Variants in VASH1 observed in about 807,000 individuals in gnomAD.
VASH1 encodes the protein vasohibin 1.
VASH1 carries 16 observed loss-of-function variants against 35.0 expected under a neutral mutation model. That is an observed-to-expected ratio of 0.46 (90% confidence interval 0.31 to 0.70). The LOEUF (loss-of-function observed/expected upper bound fraction) is 0.70. VASH1 is among the 30% of genes least tolerant of loss of function. The pLI is 0.05. For synonymous variants in VASH1, 214 were observed against 200.9 expected, an observed-to-expected ratio of 1.07 and a Z score of -0.55; for missense variants, 505 against 510.7, an observed-to-expected ratio of 0.99 and a Z score of 0.11.
rs1321126994 is a variant in VASH1 at position 76,762,233 on chromosome 14, G to A, written c.-589G>A. The stretch of plus-strand genomic sequence containing the variant: ...TCTTGGCTCCCGGACTTGTCTCGTC[G>A]CGTCGGAGAAATCGCCCCCCAGCGC... On this transcript the variant is annotated 5_prime_UTR_variant, in exon 1 of 7. Coordinates refer to ENST00000167106, the MANE Select transcript of VASH1 (RefSeq NM_014909.5). The A allele has an allele frequency of 2.6e-5, 4 of 152,134 alleles. No homozygotes were observed. Among genetic ancestry groups the A allele is most frequent in the African/African-American group, 7.2e-5 (3 of 41,428 alleles). The allele number at this position is 152,134 out of a possible 1,614,324, so 9.4% of individuals were successfully genotyped here. A position where few individuals can be genotyped will look rare whatever the true frequency, so the allele number is the denominator to read the frequency against.
rs780884507 is a variant in VASH1, at chr14:76,776,062, G to A, written c.701G>A (p.Arg234His). The change falls in exon 5 of 7, where the codon CGC becomes CAC. Residue 234 changes from arginine to histidine, a missense_variant. Physicochemically the swap from Arg to His is conservative, Grantham distance 29. Coordinates refer to ENST00000167106, the MANE Select transcript of VASH1 (RefSeq NM_014909.5). Reference protein sequence around the residue: ...EDLMYKPPAFRTLSELVLDFE... With the variant: ...EDLMYKPPAFHTLSELVLDFE... ...CTGATGTACAAGCCGCCCGCCTTCC[G>A]CACGCTCAGCGAGCTCGTGCTGGAC... is the stretch of plus-strand genomic sequence containing the variant. The A allele has an allele frequency of 9.3e-6, 15 of 1,609,390 alleles. No individual in the cohort carries two copies. The highest frequency in any genetic ancestry group is 5.0e-5 in the Admixed American group (3 of 59,814).
intron 3 of VASH1, among the ~76,000 whole-genome samples, chr14:76,772,038 G>A (rs1893807267): frequency 6.6e-6 from 1 of 152,180 alleles, no homozygotes; most frequent in Non-Finnish European, 1.5e-5. Context: ...TCAGGAGTTT[G>A]AGACCAGCCT....
rs1333987250 is a variant in VASH1, at chr14:76,762,757, G to T, written c.-65G>T. ...GCCATGTGTTATCTCTGCAGCCGGT[G>T]TGTGGGAGGCCTCTTGTGAGCCAGT... On this transcript the variant is annotated 5_prime_UTR_variant, in exon 1 of 7. Coordinates refer to ENST00000167106, the MANE Select transcript of VASH1 (RefSeq NM_014909.5). The T allele has an allele frequency of 2.9e-6, 4 of 1,387,140 alleles. No individual in the cohort carries two copies. The African/African-American group carries it at 5.8e-5, about 20-fold the overall frequency. 85.9% of individuals were successfully genotyped at this position (1,387,140 alleles called of 1,614,324 possible). A position where few individuals can be genotyped will look rare whatever the true frequency, so the allele number is the denominator to read the frequency against.
rs1451878516 is a variant in VASH1 at position 76,779,190 on chromosome 14, G to GC, written c.*177dup. On this transcript the variant is annotated 3_prime_UTR_variant, in exon 7 of 7. Transcript: ENST00000167106. ...GCTGCTCTCGCTCCCACTGAGCCAA[G>GC]CCCCCTAACTTTGGGCCTAGAGGCC... 11 of 747,712 alleles carry GC rather than the reference G, an allele frequency of 1.5e-5. No individual in the cohort carries two copies. The highest frequency in any genetic ancestry group is 1.4e-4 in the South Asian group (9 of 65,130). The allele number at this position is 747,712 out of a possible 1,614,324, so 46.3% of individuals were successfully genotyped here.
chr14:76,775,932 A>T lies in VASH1; in HGVS notation c.571A>T (p.Ile191Phe). 4 of 1,604,514 alleles carry T rather than the reference A, an allele frequency of 2.5e-6. No individual in the cohort carries two copies. Among genetic ancestry groups the T allele is most frequent in the Non-Finnish European group, 3.4e-6 (4 of 1,175,572 alleles). ...NSMPTLERFP[I>F]SFKTYFSGNY... ...CATGCCCACCCTGGAGCGCTTCCCC[A>T]TCAGCTTCAAGACCTACTTCTCAGG... The change falls in exon 5 of 7, where the codon ATC becomes TTC. Residue 191 changes from isoleucine to phenylalanine, a missense_variant. Physicochemically the swap from Ile to Phe is conservative, Grantham distance 21 (BLOSUM62 0). Coordinates refer to ENST00000167106, the MANE Select transcript of VASH1 (RefSeq NM_014909.5).
In VASH1 at chr14:76,779,949, A is replaced by G. The variant is rs1235000360; in HGVS notation, c.*931A>G. On this transcript the variant is annotated 3_prime_UTR_variant, in exon 7 of 7. Coordinates refer to ENST00000167106, the MANE Select transcript of VASH1 (RefSeq NM_014909.5). ...CCTGGGTCTCTCCGCCAGCAGTGCC[A>G]GGAGCCCTTGCTGGGGAAATCAAGA... is the stretch of plus-strand genomic sequence containing the variant. 1 of 193,072 alleles carries G rather than the reference A, an allele frequency of 5.2e-6. No homozygotes were observed. The highest frequency in any genetic ancestry group is 1.1e-5 in the Non-Finnish European group (1 of 93,354). 12.0% of individuals were successfully genotyped at this position (193,072 alleles called of 1,614,324 possible). A position where few individuals can be genotyped will look rare whatever the true frequency, so the allele number is the denominator to read the frequency against.
intron 3 of VASH1, 149 bp from the exon 4 acceptor site, chr14:76,772,988 G>A: frequency 6.1e-6 from 4 of 651,192 alleles, no homozygotes; most frequent in South Asian, 2.4e-5. Flanking sequence ...TCGGGAGTGT[G>A]GAGGGAGGTG....
rs200857917 is a variant in VASH1, at chr14:76,776,204, C to T, written c.843C>T (p.Asp281=). 6.2e-6 allele frequency: 10 copies of T among 1,610,130 alleles called. No individual in the cohort carries two copies. The Admixed American group carries it at 1.7e-4, about 27-fold the overall frequency. The change falls in exon 5 of 7, where the codon GAC becomes GAT. Residue 281 remains aspartate, a synonymous_variant. Transcript: ENST00000167106. ...TCGAGTGGAAGCACTCGGTGCTGGA[C>T]GTGGAGCGCCTGGGCCGCGATGACT... is the stretch of plus-strand genomic sequence containing the variant. ...EQIEWKHSVL[D]VERLGRDDFR...
At position 76,770,170 on chromosome 14, in the gene VASH1, T is replaced by C. The variant is rs1893753475; in HGVS notation, c.398+119T>C. On this transcript the variant is annotated intron_variant, in intron 2 of 6. Coordinates refer to ENST00000167106, the MANE Select transcript of VASH1 (RefSeq NM_014909.5). Reference sequence around the variant, plus strand: ...TCATTCCACAACGCCAGGGCCACCATTCACGTGACATCTCTGTGCTCCCTG... The same window carrying C: ...TCATTCCACAACGCCAGGGCCACCACTCACGTGACATCTCTGTGCTCCCTG... 4 of 905,356 alleles carry C rather than the reference T, an allele frequency of 4.4e-6. No homozygotes were observed. In the South Asian group the frequency reaches 6.1e-5, roughly 14 times the overall value. The allele number at this position is 905,356 out of a possible 1,614,324, so 56.1% of individuals were successfully genotyped here.
intron 1 of VASH1, chr14:76,769,612 C>T (rs1018457673): frequency 1.8e-5 from 10 of 554,152 alleles, no homozygotes; most frequent in Non-Finnish European, 2.5e-5. Context: ...TAAAATAACC[C>T]CAATATTATA....
chr14:76,775,213 C>T (rs377410104), intron 4 of VASH1, among the ~76,000 whole-genome samples: 4 of 152,070 alleles, frequency 2.6e-5, no homozygotes, highest in Non-Finnish European at 4.4e-5. Context: ...GTGAGAGTGC[C>T]GTGGAGGAGG....
chr14:76,769,765 G>A, intron 1 of VASH1, 198 bp from the exon 2 acceptor site: 1 of 638,350 alleles, frequency 1.6e-6, no homozygotes, highest in East Asian at 2.9e-5. Context: ...GTCCCAGGAG[G>A]GAAGGAATGG....
intron 1 of VASH1, among the ~76,000 whole-genome samples, chr14:76,767,830 T>A (rs1330200472): frequency 3.3e-5 from 5 of 152,184 alleles, no homozygotes; most frequent in Non-Finnish European, 5.9e-5. Context: ...TGCCTCTGAA[T>A]CCCCAGGTAT....
intron 1 of VASH1, among the ~76,000 whole-genome samples, chr14:76,763,815 C>T (rs150933883): frequency 1.3e-5 from 2 of 152,258 alleles, no homozygotes; most frequent in East Asian, 1.9e-4. Context: ...GGCTGTAACT[C>T]CTCCTCCATG....
chr14:76,769,855 G>A, intron 1 of VASH1, 108 bp from the exon 2 acceptor site: 2 of 1,074,518 alleles, frequency 1.9e-6, no homozygotes, highest in Admixed American at 4.2e-5. Context: ...AGGGGAGGCT[G>A]TGCCTCCCCA....
chr14:76,777,854 G>A (rs1457928366), intron 5 of VASH1, 105 bp from the exon 6 acceptor site: 9 of 771,192 alleles, frequency 1.2e-5, no homozygotes, highest in African/African-American at 1.8e-5. Context: ...GAGGTTCCCC[G>A]GGCCTTCCCC....
chr14:76,777,835 G>A (rs1481708733), intron 5 of VASH1, 124 bp from the exon 6 acceptor site: 12 of 597,000 alleles, frequency 2.0e-5, no homozygotes, highest in South Asian at 2.0e-4. Context: ...ACAGGGAAGA[G>A]CCATGCTTGA....
At chr14:76,767,042 C>G (rs368113913) in intron 1 of VASH1, among the ~76,000 whole-genome samples, 2 of 151,866 alleles carry the variant, frequency 1.3e-5, no homozygotes, top group Non-Finnish European at 2.9e-5. Context: ...GTCAGGAGTT[C>G]GAGACCAGTC....
rs116898076 is a variant in VASH1, at chr14:76,773,724, C to T, written c.530+513C>T. Reference sequence around the variant, plus strand: ...GAAGTGGGGCCTGTAGCTGAGTCACCAGGGTAGCCTTGGAGACAGACCAGC... The same window carrying T: ...GAAGTGGGGCCTGTAGCTGAGTCACTAGGGTAGCCTTGGAGACAGACCAGC... On this transcript the variant is annotated intron_variant, in intron 4 of 6. Coordinates refer to ENST00000167106, the MANE Select transcript of VASH1 (RefSeq NM_014909.5). The T allele has an allele frequency of 1.4e-3, 215 of 156,986 alleles. 2 individuals carry two copies. The East Asian group carries it at 0.036, about 27-fold the overall frequency. 9.7% of individuals were successfully genotyped at this position (156,986 alleles called of 1,614,324 possible).
Sources: allele counts gnomAD v4.1 joint callset (sites outside exome capture counted in the v4.1 genomes callset), GRCh38; gene constraint gnomAD v4.1.1; transcripts MANE v1.5; gene names NCBI Gene and HGNC (gene_info 2026-07-23, HGNC 2026-07-21).